The following ENKUR variants were observed in gnomAD, a reference collection of about 807,000 sequenced individuals.
ENKUR encodes enkurin, TRPC channel interacting protein, also known as enkurin.
Under a neutral mutation model 27.6 loss-of-function variants are expected in ENKUR, and 19 were observed. The ratio of observed to expected loss-of-function variants is 0.69; its 90% CI spans 0.48 to 1.01. ENKUR has a LOEUF of 1.01. ENKUR is among the 50% of genes least tolerant of loss of function. The pLI is 0.00. For synonymous variants in ENKUR, 117 were observed against 96.9 expected, an observed-to-expected ratio of 1.21 and a Z score of -1.22; for missense variants, 312 against 310.5, an observed-to-expected ratio of 1.00 and a Z score of -0.04.
intron 2 of ENKUR, chr10:25,024,355 A>G: frequency 6.2e-7 from 1 of 1,614,090 alleles, no homozygotes. Context: ...ACTTGTAGCT[A>G]CTTCAGGAGA....
At chr10:24,991,731 A>G (rs1328364467) in intron 3 of ENKUR, among the ~76,000 whole-genome samples, 4 of 152,196 alleles carry the variant, frequency 2.6e-5, no homozygotes, top group Admixed American at 6.5e-5. Flanking sequence ...CTTCAAGTAT[A>G]CCAAGGCAAG....
chr10:25,020,031 A>G (rs1040980074), upstream of ENKUR, among the ~76,000 whole-genome samples: 43 of 152,290 alleles, frequency 2.8e-4, no homozygotes, highest in Non-Finnish European at 2.2e-4. Flanking sequence ...GTTGGTTAAA[A>G]AATGTTGAGC....
intron 2 of ENKUR, among the ~76,000 whole-genome samples, chr10:25,022,955 GT>G (rs1850754568): frequency 6.6e-6 from 1 of 152,144 alleles, no homozygotes; most frequent in African/African-American, 2.4e-5. Flanking sequence ...TGATTTTTCA[GT>G]GTCTTGAGAT....
intron 2 of ENKUR, among the ~76,000 whole-genome samples, chr10:25,053,194 T>G (rs963246285): frequency 6.6e-6 from 1 of 152,182 alleles, no homozygotes; most frequent in Non-Finnish European, 1.5e-5. Context: ...TGTATATATT[T>G]ATGCAGCACA....
rs776972783 is a variant in ENKUR, at chr10:25,023,888, G to C, written c.38-28019C>G. 1.9e-6 allele frequency: 3 copies of C among 1,614,038 alleles called. No individual in the cohort carries two copies. The African/African-American group carries it at 4.0e-5, about 22-fold the overall frequency. On this transcript the variant is annotated intron_variant, in intron 2 of 5. Coordinates refer to the ENKUR transcript ENST00000615958. Reference sequence around the variant, plus strand: ...GACAAAGTGCTGAATGCAATTAAAAGATACCAAGATGTGGACTCGGAAACA... The same window carrying C: ...GACAAAGTGCTGAATGCAATTAAAACATACCAAGATGTGGACTCGGAAACA...
chr10:25,033,401 C>CAAAAAAAAAAAAAAAA (rs34472195), intron 2 of ENKUR, among the ~76,000 whole-genome samples: 1 of 59,994 alleles, frequency 1.7e-5, no homozygotes, highest in Non-Finnish European at 2.9e-5. Context: ...AAGACCTCGT[C>CAAAAAAAAAAAAAAAA]AAAAAAAAAA....
intron 2 of ENKUR, among the ~76,000 whole-genome samples, chr10:24,998,541 A>AT (rs912384445): frequency 2.7e-4 from 41 of 151,574 alleles, no homozygotes; most frequent in African/African-American, 9.4e-4. Context: ...CACCTAGCTA[A>AT]TTTTTTTTAT....
At chr10:24,996,454 G>GTA (rs774819339) in intron 2 of ENKUR, among the ~76,000 whole-genome samples, 84 of 149,504 alleles carry the variant, frequency 5.6e-4, no homozygotes, top group African/African-American at 1.9e-3. Flanking sequence ...GTGTGTGTGT[G>GTA]TGTATATATA....
chr10:24,996,431 CAT>C (rs929959911), intron 2 of ENKUR, among the ~76,000 whole-genome samples: 18 of 133,752 alleles, frequency 1.3e-4, no homozygotes, highest in Admixed American at 2.3e-4. Context: ...CAAAAAAGAT[CAT>C]ATATGTGTGT....
At chr10:25,048,255 T>C (rs1465250980) in intron 2 of ENKUR, among the ~76,000 whole-genome samples, 2 of 151,954 alleles carry the variant, frequency 1.3e-5, no homozygotes, top group Admixed American at 6.6e-5. Flanking sequence ...GGACTTCTAA[T>C]TGATAAGTGG....
At chr10:25,053,191 A>T (rs1308722219) in intron 2 of ENKUR, among the ~76,000 whole-genome samples, 1 of 152,126 alleles carries the variant, frequency 6.6e-6, no homozygotes, top group African/African-American at 2.4e-5. Flanking sequence ...AATTGTATAT[A>T]TTTATGCAGC....
chr10:25,022,748 G>A (rs908763379), intron 2 of ENKUR, among the ~76,000 whole-genome samples: 1 of 152,126 alleles, frequency 6.6e-6, no homozygotes, highest in Non-Finnish European at 1.5e-5. Context: ...ATTGCAAGTA[G>A]ATAGCACTCC....
intron 4 of ENKUR, among the ~76,000 whole-genome samples, chr10:24,988,356 G>GTGTATATATATTTATATATGTATATA (rs1849834016): frequency 7.1e-6 from 1 of 141,520 alleles, no homozygotes; most frequent in East Asian, 2.0e-4. Context: ...ATTTATATAT[G>GTGTATATATATTTATATATGTATATA]TGTATATATA....
intron 1 of ENKUR, among the ~76,000 whole-genome samples, chr10:25,014,378 A>T (rs985368920): frequency 4.6e-5 from 7 of 152,086 alleles, no homozygotes; most frequent in Non-Finnish European, 8.8e-5. Flanking sequence ...TCTTCTACTC[A>T]TTTCTTCATA....
intron 2 of ENKUR, among the ~76,000 whole-genome samples, chr10:25,056,949 C>A (rs1462015766): frequency 6.6e-6 from 1 of 152,152 alleles, no homozygotes; most frequent in African/African-American, 2.4e-5. Flanking sequence ...ACCTACTGAG[C>A]ACATGTCTGC....
At chr10:25,043,880 A>G (rs2130475157) in intron 2 of ENKUR, among the ~76,000 whole-genome samples, 1 of 141,804 alleles carries the variant, frequency 7.1e-6, no homozygotes, top group South Asian at 2.3e-4. Context: ...ACGAAATTTT[A>G]ATTTCAGATA....
In ENKUR at chr10:24,983,173, G is replaced by T. The variant is rs1849706101; in HGVS notation, c.*1197C>A. The T allele has an allele frequency of 6.6e-6, 1 of 151,964 alleles. No homozygotes were observed. The highest frequency in any genetic ancestry group is 1.5e-5 in the Non-Finnish European group (1 of 67,980). 9.4% of individuals were successfully genotyped at this position (151,964 alleles called of 1,614,324 possible). A position where few individuals can be genotyped will look rare whatever the true frequency, so the allele number is the denominator to read the frequency against. ...CCCCTACCCTTAGTCACATTGCACA[G>T]TGATGTAAATGAAAAATGTATCTTT... is the stretch of plus-strand genomic sequence containing the variant. On this transcript the variant is annotated 3_prime_UTR_variant, in exon 6 of 6. Transcript: ENST00000331161.
intron 4 of ENKUR, among the ~76,000 whole-genome samples, chr10:24,988,254 GTA>G (rs1316997846): frequency 2.9e-5 from 4 of 137,286 alleles, no homozygotes; most frequent in African/African-American, 5.9e-5. Context: ...ATATATATGT[GTA>G]TATATATATT....
intron 2 of ENKUR, among the ~76,000 whole-genome samples, chr10:25,022,070 C>T (rs1370650884): frequency 6.6e-6 from 1 of 151,964 alleles, no homozygotes; most frequent in Admixed American, 6.6e-5. Flanking sequence ...TTGCTTCTAC[C>T]AGAGAACACG....
Sources: allele counts gnomAD v4.1 joint callset (sites outside exome capture counted in the v4.1 genomes callset), GRCh38; gene constraint gnomAD v4.1.1; transcripts MANE v1.5; gene names NCBI Gene and HGNC (gene_info 2026-07-23, HGNC 2026-07-21).